PLSCR1: variants seen among roughly 807,000 people sequenced by gnomAD.
PLSCR1 encodes phospholipid scramblase 1, also known as PL scramblase 1.
A neutral mutation model predicts 37.8 loss-of-function variants in PLSCR1; 17 were observed. The observed-to-expected ratio is 0.45, with a 90% CI of 0.31 to 0.68. The LOEUF is 0.68. Among genes scored for constraint, PLSCR1 ranks in the 30% least tolerant of loss-of-function variants. The pLI is 0.06. For synonymous variants in PLSCR1, 116 were observed against 125.9 expected (o/e 0.92, Z 0.53); for missense variants, 347 against 380.9 (o/e 0.91, Z 0.74).
chr3:146,534,731 C>G (rs755332770), intron 2 of PLSCR1, among the ~76,000 whole-genome samples: 1 of 152,066 alleles, frequency 6.6e-6, no homozygotes, highest in African/African-American at 2.4e-5. Context: ...CAAAAATTAG[C>G]CAGGCATGGT....
chr3:146,538,588 A>C (rs2044296504), intron 1 of PLSCR1, among the ~76,000 whole-genome samples: 1 of 152,170 alleles, frequency 6.6e-6, no homozygotes, highest in Non-Finnish European at 1.5e-5. Flanking sequence ...TTTTAACAGA[A>C]ATTTTAAGAA....
rs150824504 is a variant in PLSCR1 at position 146,522,242 on chromosome 3, T to C, written c.356-189A>G. ...AAAAAAAGGAGAGATTACCAATGTA[T>C]AGAGAAATTAAGTCCTTATGCCGTG... On this transcript the variant is annotated intron_variant, in intron 5 of 8. Transcript: ENST00000342435. Among the ~76,000 whole-genome samples the C allele has an allele frequency of 2.8e-4, 42 of 152,184 alleles. 1 individual carries two copies. The East Asian group carries it at 4.8e-3, about 18-fold the overall frequency.
intron 4 of PLSCR1, among the ~76,000 whole-genome samples, chr3:146,526,186 AAAAAAAAAAAAAAAAAAAGAAAG>A (rs2044108299): frequency 7.1e-6 from 1 of 141,436 alleles, no homozygotes; most frequent in African/African-American, 2.6e-5. Flanking sequence ...TCCATCTCAA[AAAAAAAAAAAAAAAAAAAGAAAG>A]AAAAAAAAAA....
chr3:146,528,853 T>A, intron 3 of PLSCR1, 22 bp from the exon 4 acceptor site: 1 of 1,579,518 alleles, frequency 6.3e-7, no homozygotes, highest in Non-Finnish European at 8.7e-7. Flanking sequence ...ACAAGTGAAA[T>A]GATTTGTAAC....
chr3:146,517,032 C>A lies in PLSCR1; in HGVS notation c.874G>T (p.Val292Leu), dbSNP rs555459480. Residue 292 changes from valine (V) to leucine (L), a missense_variant, in exon 8 of 9, where the codon GTA becomes TTA. Coordinates refer to ENST00000342435, the MANE Select transcript of PLSCR1 (RefSeq NM_021105.3). Reference sequence around the variant, plus strand: ...ATGAGGAAACAGGCACCAATCATTACAGCTTTCATTTTAACATCAAGGTCT... The same window carrying A: ...ATGAGGAAACAGGCACCAATCATTAAAGCTTTCATTTTAACATCAAGGTCT... ...PLDLDVKMKA[V>L]MIGACFLIDF... is the part of the protein sequence containing the mutation. The A allele has an allele frequency of 1.2e-5, 19 of 1,597,370 alleles. No homozygotes were observed. The highest frequency in any genetic ancestry group is 5.7e-5 in the South Asian group (5 of 88,210).
At chr3:146,534,752 T>C (rs1332063096) in intron 2 of PLSCR1, among the ~76,000 whole-genome samples, 2 of 152,132 alleles carry the variant, frequency 1.3e-5, no homozygotes, top group African/African-American at 4.8e-5. Flanking sequence ...GGCACGCGCC[T>C]GTAGTCCCAG....
At chr3:146,543,835 A>G (rs1404463353) in intron 1 of PLSCR1, among the ~76,000 whole-genome samples, 1 of 152,242 alleles carries the variant, frequency 6.6e-6, no homozygotes, top group Non-Finnish European at 1.5e-5. Flanking sequence ...AAAGTGGCTG[A>G]CAGTCCACAG....
intron 8 of PLSCR1, 196 bp downstream of exon 8, chr3:146,516,810 C>T (rs547716403): frequency 1.9e-5 from 9 of 474,602 alleles, no homozygotes; most frequent in South Asian, 1.5e-4. Context: ...TTCATAGACT[C>T]TTCAGGTAGA....
chr3:146,537,118 ATTT>A (rs35815954), intron 1 of PLSCR1, among the ~76,000 whole-genome samples: 2 of 146,848 alleles, frequency 1.4e-5, no homozygotes. Flanking sequence ...GCATTCAGAG[ATTT>A]TTTTTTTTTT....
chr3:146,518,424 T>C (rs762332796), intron 7 of PLSCR1, among the ~76,000 whole-genome samples: 2 of 152,190 alleles, frequency 1.3e-5, no homozygotes, highest in Non-Finnish European at 2.9e-5. Context: ...TAAACACTTA[T>C]TGCAAGCTGC....
intron 1 of PLSCR1, among the ~76,000 whole-genome samples, chr3:146,539,984 T>C (rs2044317341): frequency 6.6e-6 from 1 of 152,182 alleles, no homozygotes; most frequent in Admixed American, 6.5e-5. Flanking sequence ...GCTTAATAAG[T>C]CTATTCCCAG....
chr3:146,518,281 A>G (rs1419759844), intron 7 of PLSCR1, among the ~76,000 whole-genome samples: 1 of 152,166 alleles, frequency 6.6e-6, no homozygotes, highest in Non-Finnish European at 1.5e-5. Context: ...GAAAAGCATG[A>G]CTCAGGTAGC....
chr3:146,519,530 A>G (rs2043990736), intron 7 of PLSCR1, among the ~76,000 whole-genome samples: 1 of 152,120 alleles, frequency 6.6e-6, no homozygotes, highest in South Asian at 2.1e-4. Context: ...TAAAAGGTCT[A>G]CTAGGCTCTC....
intron 3 of PLSCR1, among the ~76,000 whole-genome samples, chr3:146,532,150 C>A (rs1576792578): frequency 6.6e-6 from 1 of 152,012 alleles, no homozygotes; most frequent in African/African-American, 2.4e-5. Context: ...CCATATATAT[C>A]TATATATATA....
At chr3:146,533,084 A>C (rs2044220045) in intron 3 of PLSCR1, among the ~76,000 whole-genome samples, 1 of 152,194 alleles carries the variant, frequency 6.6e-6, no homozygotes, top group Non-Finnish European at 1.5e-5. Context: ...ATCAGAAATA[A>C]ATTTCCTAAA....
chr3:146,521,690 G>A lies in PLSCR1; in HGVS notation c.592C>T (p.Pro198Ser). 1 of 1,613,098 alleles carries A rather than the reference G, an allele frequency of 6.2e-7. No homozygotes were observed. ...ACATAACCTATTGGTACACCAGGAG[G>A]AGCTTGGATTTCTATCTACAAAGGC... The part of the protein sequence containing the change: ...CCLQEIEIQA[P>S]PGVPIGYVIQ... Residue 198 changes from proline to serine, a missense_variant, in exon 7 of 9, where the codon CCT becomes TCT. Pro to Ser is a moderately conservative substitution (Grantham distance 74, BLOSUM62 -1). Transcript: ENST00000342435.
intron 1 of PLSCR1, among the ~76,000 whole-genome samples, chr3:146,543,263 C>T (rs954209807): frequency 2.6e-5 from 4 of 152,180 alleles, no homozygotes; most frequent in Non-Finnish European, 4.4e-5. Context: ...GTCTCTCCAC[C>T]TGTATGTACT....
intron 2 of PLSCR1, among the ~76,000 whole-genome samples, chr3:146,534,627 T>G (rs918561993): frequency 2.0e-5 from 3 of 151,904 alleles, no homozygotes; most frequent in Admixed American, 1.3e-4. Context: ...ATCCAGTCCA[T>G]GGTGATTGTG....
At chr3:146,528,919 T>C (rs532750219) in intron 3 of PLSCR1, 88 bp from the exon 4 acceptor site, 6 of 906,162 alleles carry the variant, frequency 6.6e-6, no homozygotes, top group African/African-American at 1.7e-5. Flanking sequence ...ATCTATAAGT[T>C]GACATTTCAG....
Sources: gnomAD v4.1 joint callset for allele counts (sites outside exome capture counted in the v4.1 genomes callset) on GRCh38, gnomAD v4.1.1 for gene constraint, MANE v1.5 for transcripts, NCBI Gene and HGNC (gene_info 2026-07-23, HGNC 2026-07-21) for gene names.